The following PTPRD variants were observed in gnomAD, a reference collection of about 807,000 sequenced individuals.
PTPRD encodes the protein protein tyrosine phosphatase receptor type D.
PTPRD carries 34 observed loss-of-function variants against 214.5 expected under a neutral mutation model. The ratio of observed to expected loss-of-function variants is 0.16; its 90% CI spans 0.12 to 0.21. The LOEUF (loss-of-function observed/expected upper bound fraction) is 0.21. Among genes scored for constraint, PTPRD ranks in the 10% least tolerant of loss-of-function variants. The pLI is 1.00. For missense variants in PTPRD, 2,545 were observed against 2,398.7 expected, an observed-to-expected ratio of 1.06 and a Z score of -1.27; for synonymous variants, 1,128 against 845.7, an observed-to-expected ratio of 1.33 and a Z score of -5.79.
At chr9:8,780,939 T>G (rs1174429679) in intron 11 of PTPRD, among the ~76,000 whole-genome samples, 1 of 152,160 alleles carries the variant, frequency 6.6e-6, no homozygotes, top group Non-Finnish European at 1.5e-5. Flanking sequence ...TCAGCTGTGG[T>G]CAGATATTGT....
intron 10 of PTPRD, among the ~76,000 whole-genome samples, chr9:9,112,871 C>T (rs980236361): frequency 9.9e-5 from 15 of 151,780 alleles, no homozygotes; most frequent in African/African-American, 2.9e-4. Flanking sequence ...GCAGGTGTTT[C>T]GATTACAAAC....
intron 5 of PTPRD, among the ~76,000 whole-genome samples, chr9:9,884,738 TAGTG>T (rs1053846263): frequency 3.9e-5 from 6 of 152,102 alleles, no homozygotes; most frequent in African/African-American, 9.7e-5. Context: ...GTTTTCATGA[TAGTG>T]AGTAAGTTTT....
intron 11 of PTPRD, among the ~76,000 whole-genome samples, chr9:8,811,718 T>G (rs762386414): frequency 9.5e-4 from 144 of 152,342 alleles, no homozygotes; most frequent in Non-Finnish European, 1.8e-3. Flanking sequence ...TGAAAAAGTC[T>G]AGAAAAGTAT....
chr9:9,047,930 A>T (rs941797408), intron 10 of PTPRD, among the ~76,000 whole-genome samples: 29 of 152,266 alleles, frequency 1.9e-4, no homozygotes, highest in African/African-American at 7.0e-4. Flanking sequence ...AACAATCAAA[A>T]AAGTGAAAAG....
chr9:10,543,446 C>T (rs1216233796), intron 2 of PTPRD, among the ~76,000 whole-genome samples: 3 of 150,886 alleles, frequency 2.0e-5, no homozygotes, highest in Non-Finnish European at 4.4e-5. Context: ...GTTTCCTTAA[C>T]TCTACCAGTT....
intron 3 of PTPRD, among the ~76,000 whole-genome samples, chr9:10,145,421 C>A (rs2099015521): frequency 6.6e-6 from 1 of 152,116 alleles, no homozygotes; most frequent in South Asian, 2.1e-4. Context: ...AGAAAGAAGA[C>A]TTTTATGATG....
At chr9:9,413,782 G>A (rs1269265656) in intron 8 of PTPRD, among the ~76,000 whole-genome samples, 1 of 152,124 alleles carries the variant, frequency 6.6e-6, no homozygotes, top group Non-Finnish European at 1.5e-5. Flanking sequence ...GGATTGTTAA[G>A]ATAAAATTAG....
At chr9:9,005,452 C>T (rs971972136) in intron 11 of PTPRD, among the ~76,000 whole-genome samples, 1 of 151,964 alleles carries the variant, frequency 6.6e-6, no homozygotes, top group Non-Finnish European at 1.5e-5. Context: ...GAGAGAGGAA[C>T]ATCATCATGA....
intron 5 of PTPRD, among the ~76,000 whole-genome samples, chr9:9,912,739 C>T (rs1180666655): frequency 6.6e-6 from 1 of 152,120 alleles, no homozygotes; most frequent in Non-Finnish European, 1.5e-5. Context: ...GCCAATAACC[C>T]AAGTTGAGAA....
intron 43 of PTPRD, among the ~76,000 whole-genome samples, chr9:8,337,102 A>C (rs978738720): frequency 6.6e-6 from 1 of 152,216 alleles, no homozygotes; most frequent in African/African-American, 2.4e-5. Flanking sequence ...TACTGAGTGT[A>C]TACCCAAAGG....
intron 8 of PTPRD, among the ~76,000 whole-genome samples, chr9:9,547,511 G>C (rs945206733): frequency 2.6e-4 from 40 of 151,932 alleles, no homozygotes; most frequent in African/African-American, 9.4e-4. Context: ...GATAATAATA[G>C]GGTCTACTTT....
chr9:9,898,617 G>A (rs1477502929), intron 5 of PTPRD, among the ~76,000 whole-genome samples: 1 of 152,062 alleles, frequency 6.6e-6, no homozygotes, highest in Non-Finnish European at 1.5e-5. Flanking sequence ...TCTTTTGTGT[G>A]GTTGCTGCAC....
At chr9:9,415,759 A>G (rs2076809152) in intron 8 of PTPRD, among the ~76,000 whole-genome samples, 1 of 152,224 alleles carries the variant, frequency 6.6e-6, no homozygotes. Flanking sequence ...AGAGACACTG[A>G]GAGATATGAG....
chr9:9,906,621 G>A (rs1438228839), intron 5 of PTPRD, among the ~76,000 whole-genome samples: 1 of 151,796 alleles, frequency 6.6e-6, no homozygotes, highest in Admixed American at 6.6e-5. Flanking sequence ...ATTCCAAAGA[G>A]AATTCATTTA....
intron 7 of PTPRD, among the ~76,000 whole-genome samples, chr9:9,710,005 G>A (rs549525958): frequency 2.2e-4 from 34 of 151,850 alleles, no homozygotes; most frequent in African/African-American, 7.7e-4. Flanking sequence ...GCATCATGCT[G>A]ATTACATCCA....
At chr9:9,116,232 T>A (rs1179450824) in intron 10 of PTPRD, among the ~76,000 whole-genome samples, 1 of 152,016 alleles carries the variant, frequency 6.6e-6, no homozygotes, top group African/African-American at 2.4e-5. Context: ...ATTTAAAAAA[T>A]AAGAAAATGT....
At chr9:10,327,415 A>T (rs9987444) in intron 3 of PTPRD, among the ~76,000 whole-genome samples, 3 of 151,132 alleles carry the variant, frequency 2.0e-5, no homozygotes, top group Admixed American at 2.0e-4. Flanking sequence ...ACATACTATT[A>T]TCTATCACTT....
At position 9,766,822 on chromosome 9, in the gene PTPRD, C is replaced by T. The variant is rs989446657; in HGVS notation, c.-338G>A. On this transcript the variant is annotated 5_prime_UTR_variant, in exon 6 of 46. Coordinates refer to ENST00000381196, the MANE Select transcript of PTPRD (RefSeq NM_002839.4). ...TAAATATACTCACCTTTGTCCAAGGCACATTCTGCTGTGGTCTCAGGACAG... is the reference window on the plus strand; with the variant it reads ...TAAATATACTCACCTTTGTCCAAGGTACATTCTGCTGTGGTCTCAGGACAG... 6.6e-6 allele frequency: 1 copy of T among 152,380 alleles called. No homozygotes were observed. Among genetic ancestry groups the T allele is most frequent in the South Asian group, 2.1e-4 (1 of 4,822 alleles). 9.4% of individuals were successfully genotyped at this position (152,380 alleles called of 1,614,324 possible). A position where few individuals can be genotyped will look rare whatever the true frequency, so the allele number is the denominator to read the frequency against.
intron 11 of PTPRD, among the ~76,000 whole-genome samples, chr9:8,798,688 G>A (rs1048481377): frequency 1.3e-5 from 2 of 152,136 alleles, no homozygotes; most frequent in African/African-American, 4.8e-5. Context: ...TTGCAATTCT[G>A]CAGTTCATAC....
Sources: gnomAD v4.1 joint callset for allele counts (sites outside exome capture counted in the v4.1 genomes callset) on GRCh38, gnomAD v4.1.1 for gene constraint, MANE v1.5 for transcripts, NCBI Gene and HGNC (gene_info 2026-07-23, HGNC 2026-07-21) for gene names.